Variants in RNF24 observed in about 807,000 individuals in gnomAD.
RNF24 encodes the protein ring finger protein 24.
Under a neutral mutation model 20.0 loss-of-function variants are expected in RNF24, and 14 were observed. The observed-to-expected ratio is 0.70, with a 90% CI of 0.46 to 1.10. RNF24 has a LOEUF of 1.10. RNF24 is among the 50% of genes least tolerant of loss of function. RNF24 has a pLI of 0.00. For missense variants in RNF24, 124 were observed against 177.6 expected (o/e 0.70, Z 1.71); for synonymous variants, 45 against 61.1 (o/e 0.74, Z 1.23).
chr20:3,963,356 C>A (rs1268668286), intron 2 of RNF24, among the ~76,000 whole-genome samples: 1 of 152,134 alleles, frequency 6.6e-6, no homozygotes. Flanking sequence ...CCACGCCCAG[C>A]TAATTTTTGT....
chr20:3,994,666 C>T (rs1023375804), intron 1 of RNF24, among the ~76,000 whole-genome samples: 12 of 152,096 alleles, frequency 7.9e-5, no homozygotes, highest in African/African-American at 2.9e-4. Context: ...AGTCTTTGGA[C>T]CCTGTTGAAG....
At chr20:4,015,337 C>T (rs1416021814) in intron 1 of RNF24, 100 bp downstream of exon 1, 6 of 152,092 alleles carry the variant, frequency 3.9e-5, no homozygotes, top group Non-Finnish European at 7.3e-5. Context: ...GGCGCGGGCC[C>T]GCGGTCTCCT....
At chr20:3,992,345 A>G (rs1009112774) in intron 1 of RNF24, among the ~76,000 whole-genome samples, 1 of 152,196 alleles carries the variant, frequency 6.6e-6, no homozygotes, top group Non-Finnish European at 1.5e-5. Context: ...TAATAATTAC[A>G]ATCTGGTTGA....
In RNF24 at chr20:3,982,103, GTCTCTCTCTC is replaced by G. The variant is rs34868373; in HGVS notation, c.-7-18089_-7-18080del. Reference sequence around the variant, plus strand: ...AGCCTGGGCAACAGGGTGAGACCTCGTCTCTCTCTCTCTCTCTCTCTCTCTCTCTCTCAAT... The same window carrying G: ...AGCCTGGGCAACAGGGTGAGACCTCGTCTCTCTCTCTCTCTCTCTCTCAAT... On this transcript the variant is annotated intron_variant, in intron 1 of 5. Coordinates refer to ENST00000358395, the MANE Select transcript of RNF24 (RefSeq NM_001134337.3). 2.7e-4 allele frequency among the ~76,000 whole-genome samples: 37 copies of G among 137,118 alleles called. No homozygotes were observed. The East Asian group carries it at 3.1e-3, about 12-fold the overall frequency. The allele number at this position is 137,118 out of a possible 152,430, so 90.0% of individuals were successfully genotyped here.
intron 2 of RNF24, among the ~76,000 whole-genome samples, chr20:3,958,745 G>A (rs1874140209): frequency 6.6e-6 from 1 of 152,300 alleles, no homozygotes; most frequent in African/African-American, 2.4e-5. Context: ...GGGTTCAAGC[G>A]ATTCTCCTGT....
intron 1 of RNF24, among the ~76,000 whole-genome samples, chr20:4,007,786 T>A (rs1485349659): frequency 6.7e-6 from 1 of 149,528 alleles, no homozygotes. Context: ...CATGCTGGTG[T>A]GTGCCTGTGG....
chr20:3,938,307 T>C (rs1324296733), intron 4 of RNF24, among the ~76,000 whole-genome samples: 1 of 152,212 alleles, frequency 6.6e-6, no homozygotes, highest in Admixed American at 6.5e-5. Flanking sequence ...TATTTTAGAC[T>C]GAACTCCCTT....
intron 4 of RNF24, among the ~76,000 whole-genome samples, chr20:3,943,453 A>G (rs1342087195): frequency 6.6e-6 from 1 of 152,252 alleles, no homozygotes. Flanking sequence ...AGCTATTAAT[A>G]ATCAAGACAG....
At chr20:3,943,241 G>C (rs2090978459) in intron 4 of RNF24, among the ~76,000 whole-genome samples, 1 of 151,422 alleles carries the variant, frequency 6.6e-6, no homozygotes, top group South Asian at 2.1e-4. Flanking sequence ...CATGGTAAAG[G>C]TCAATTCTCT....
chr20:3,946,430 C>T (rs533674535), intron 3 of RNF24, among the ~76,000 whole-genome samples: 4 of 151,086 alleles, frequency 2.6e-5, no homozygotes, highest in South Asian at 4.2e-4. Context: ...CTCCAGCCTG[C>T]GTGACAGAAG....
At chr20:4,003,386 GCTGA>G (rs1210229429) in intron 1 of RNF24, among the ~76,000 whole-genome samples, 8 of 152,080 alleles carry the variant, frequency 5.3e-5, no homozygotes, top group Non-Finnish European at 7.3e-5. Flanking sequence ...CACACACAGC[GCTGA>G]CTAAGTTTCT....
At position 4,001,978 on chromosome 20, in the gene RNF24, C is replaced by T. The variant is rs956610826; in HGVS notation, c.-8+13459G>A. ...ACAAACAAAAAAAAACAGGGCCGGG[C>T]GCGGTGGCTGACACCCATAATCCCA... On this transcript the variant is annotated intron_variant, in intron 1 of 5. Transcript: ENST00000358395. 5.3e-5 allele frequency among the ~76,000 whole-genome samples: 8 copies of T among 151,530 alleles called. No homozygotes were observed. The East Asian group carries it at 1.4e-3, about 26-fold the overall frequency.
At chr20:3,974,786 C>A (rs1292597456) in intron 1 of RNF24, among the ~76,000 whole-genome samples, 1 of 152,050 alleles carries the variant, frequency 6.6e-6, no homozygotes, top group Non-Finnish European at 1.5e-5. Flanking sequence ...CAGAGACATA[C>A]TATGTTCATG....
chr20:3,984,180 T>C (rs1979678937), intron 1 of RNF24, among the ~76,000 whole-genome samples: 1 of 150,962 alleles, frequency 6.6e-6, no homozygotes, highest in Non-Finnish European at 1.5e-5. Flanking sequence ...CGGTGAGCTA[T>C]GACCAGATCA....
intron 2 of RNF24, among the ~76,000 whole-genome samples, chr20:3,958,560 T>C (rs1441060101): frequency 6.6e-6 from 1 of 152,226 alleles, no homozygotes; most frequent in Non-Finnish European, 1.5e-5. Flanking sequence ...TCAATTGTTA[T>C]CCTCTTTGTT....
At chr20:4,002,021 G>A (rs1399107325) in intron 1 of RNF24, among the ~76,000 whole-genome samples, 1 of 152,068 alleles carries the variant, frequency 6.6e-6, no homozygotes, top group African/African-American at 2.4e-5. Flanking sequence ...GGGAGGCCGA[G>A]GCAGGCAGAT....
chr20:4,011,217 CA>C (rs1339054589), intron 1 of RNF24, among the ~76,000 whole-genome samples: 2 of 152,112 alleles, frequency 1.3e-5, no homozygotes, highest in African/African-American at 4.8e-5. Flanking sequence ...ACAATGTCTT[CA>C]AAACAGTCAC....
chr20:4,015,385 C>T (rs1196161841), intron 1 of RNF24, 52 bp downstream of exon 1: 1 of 151,944 alleles, frequency 6.6e-6, no homozygotes, highest in Non-Finnish European at 1.5e-5. Flanking sequence ...TCCCCCAAAC[C>T]CCAGCCCGGG....
At chr20:3,975,510 T>C (rs1182862805) in intron 1 of RNF24, among the ~76,000 whole-genome samples, 1 of 152,068 alleles carries the variant, frequency 6.6e-6, no homozygotes, top group Non-Finnish European at 1.5e-5. Flanking sequence ...GTATGCCTGA[T>C]AAAGGGCTAA....
Sources: gnomAD v4.1 joint callset for allele counts (sites outside exome capture counted in the v4.1 genomes callset) on GRCh38, gnomAD v4.1.1 for gene constraint, MANE v1.5 for transcripts, NCBI Gene and HGNC (gene_info 2026-07-23, HGNC 2026-07-21) for gene names.